TSNARE1: variants seen among roughly 807,000 people sequenced by gnomAD.
The protein encoded by TSNARE1 is t-SNARE domain-containing protein 1.
TSNARE1 carries 49 observed loss-of-function variants against 62.0 expected under a neutral mutation model. The observed-to-expected ratio is 0.79, with a 90% CI of 0.63 to 1.00. TSNARE1 has a LOEUF of 1.00. TSNARE1 is among the 50% of genes least tolerant of loss of function. The pLI, the probability that TSNARE1 is intolerant of heterozygous loss-of-function variation, is 0.00. For missense variants in TSNARE1, 755 were observed against 700.1 expected, an observed-to-expected ratio of 1.08 and a Z score of -0.88; for synonymous variants, 328 against 294.4, an observed-to-expected ratio of 1.11 and a Z score of -1.17.
intron 11 of TSNARE1, chr8:142,276,491 C>T: frequency 1.8e-5 from 18 of 985,480 alleles, no homozygotes; most frequent in Non-Finnish European, 2.2e-5. Context: ...AACAGCCTGG[C>T]CTCGCTTCTG....
intron 11 of TSNARE1, chr8:142,275,663 G>C (rs571638492): frequency 1.0e-6 from 1 of 985,456 alleles, no homozygotes; most frequent in Non-Finnish European, 1.2e-6. Flanking sequence ...TTCCCGGAGG[G>C]AGGTTCCTTG....
At chr8:142,387,056 T>C (rs1398254311) in intron 1 of TSNARE1, among the ~76,000 whole-genome samples, 2 of 152,118 alleles carry the variant, frequency 1.3e-5, no homozygotes, top group Non-Finnish European at 2.9e-5. Context: ...GACTCCAAAT[T>C]AGGAACATAA....
chr8:142,397,340 C>A (rs542143119), intron 1 of TSNARE1, among the ~76,000 whole-genome samples: 68 of 152,328 alleles, frequency 4.5e-4, no homozygotes, highest in Non-Finnish European at 8.5e-4. Flanking sequence ...GGAATTCTTC[C>A]CTACACCCCT....
chr8:142,248,211 A>G (rs747435349), intron 12 of TSNARE1, among the ~76,000 whole-genome samples: 4 of 151,900 alleles, frequency 2.6e-5, no homozygotes, highest in Non-Finnish European at 5.9e-5. Context: ...TGGACCTTGG[A>G]CTCCCAGCCT....
rs1829204592 is a variant in TSNARE1, at chr8:142,319,855, A to G, written c.894-1221T>C. ...GGGCCAAGGAGGGCAAGGAGCCATA[A>G]GGTTACTACAGACTAGGCGGGAAGC... On this transcript the variant is annotated intron_variant, in intron 6 of 13. Coordinates refer to ENST00000524325, the MANE Select transcript of TSNARE1 (RefSeq NM_145003.5). This position sits in a 1 kb window ranked among gnomAD's most constrained non-coding sequence, Gnocchi z 4.9. 6.6e-6 allele frequency among the ~76,000 whole-genome samples: 1 copy of G among 152,168 alleles called. No homozygotes were observed. The highest frequency in any genetic ancestry group is 2.4e-5 in the African/African-American group (1 of 41,444).
In TSNARE1 at chr8:142,229,585, A is replaced by AGG; in HGVS notation, c.1447-7_1447-6insCC. 6.4e-7 allele frequency: 1 copy of AGG among 1,564,340 alleles called. No individual in the cohort carries two copies. The highest frequency in any genetic ancestry group is 1.4e-5 in the African/African-American group (1 of 73,842). ...TTGATCTTGTGTCTCTGGAGCTGGG[A>AGG]GAGAGAGAGAGGTTGTTTCCATATC... On this transcript the variant is annotated splice_polypyrimidine_tract_variant and splice_region_variant and intron_variant, in intron 12 of 13. Coordinates refer to ENST00000524325, the MANE Select transcript of TSNARE1 (RefSeq NM_145003.5).
At chr8:142,217,752 G>T (rs1815954099) in intron 13 of TSNARE1, among the ~76,000 whole-genome samples, 1 of 151,900 alleles carries the variant, frequency 6.6e-6, no homozygotes, top group African/African-American at 2.4e-5. Flanking sequence ...GTCAGTGTGT[G>T]ACCAGGATCA....
At chr8:142,354,324 T>C (rs1433165521) in intron 2 of TSNARE1, among the ~76,000 whole-genome samples, 1 of 152,058 alleles carries the variant, frequency 6.6e-6, no homozygotes, top group Admixed American at 6.5e-5. Flanking sequence ...GGTGAGATCC[T>C]GCATCCCCTC....
intron 10 of TSNARE1, among the ~76,000 whole-genome samples, chr8:142,295,237 G>A (rs1278475169): frequency 6.6e-6 from 1 of 152,360 alleles, no homozygotes; most frequent in South Asian, 2.1e-4. Context: ...GAGATGGTGG[G>A]CAGCCCCAGG....
chr8:142,235,908 G>A (rs1340959856), intron 12 of TSNARE1, among the ~76,000 whole-genome samples: 7 of 152,206 alleles, frequency 4.6e-5, no homozygotes, highest in African/African-American at 1.2e-4. Flanking sequence ...GAGCATGGCG[G>A]GGCAGGAGGA....
At chr8:142,289,760 G>A (rs1024354054) in intron 10 of TSNARE1, among the ~76,000 whole-genome samples, 7 of 152,212 alleles carry the variant, frequency 4.6e-5, no homozygotes, top group African/African-American at 1.2e-4. Context: ...GGAGGCCGCC[G>A]GGACTTACTG....
At chr8:142,404,947 C>T (rs768068258), upstream of TSNARE1, 1 of 152,332 alleles carries the variant, frequency 6.6e-6, no homozygotes, top group Non-Finnish European at 1.5e-5. Flanking sequence ...CCAGGAGCCG[C>T]TTTCTTGACC....
chr8:142,255,905 CCAT>C (rs1469844819), intron 12 of TSNARE1, among the ~76,000 whole-genome samples: 26 of 9,006 alleles, frequency 2.9e-3, no homozygotes, highest in Non-Finnish European at 7.0e-3. Flanking sequence ...ACCACTGTCA[CCAT>C]CACCACCACC....
At chr8:142,381,116 G>A (rs1395670331) in intron 1 of TSNARE1, among the ~76,000 whole-genome samples, 1 of 152,240 alleles carries the variant, frequency 6.6e-6, no homozygotes, top group Non-Finnish European at 1.5e-5. Flanking sequence ...TGGCCCAACT[G>A]CTGGGCTCCA....
At chr8:142,376,049 G>A (rs940343683) in intron 1 of TSNARE1, among the ~76,000 whole-genome samples, 3 of 152,220 alleles carry the variant, frequency 2.0e-5, no homozygotes, top group Non-Finnish European at 4.4e-5. Context: ...CGGAAAACAT[G>A]GTCCCAGCAG....
intron 12 of TSNARE1, among the ~76,000 whole-genome samples, chr8:142,252,357 C>T (rs1162364435): frequency 6.6e-6 from 1 of 152,198 alleles, no homozygotes; most frequent in African/African-American, 2.4e-5. Context: ...CTGGCTGTGC[C>T]CCCCACTGGC....
intron 12 of TSNARE1, among the ~76,000 whole-genome samples, chr8:142,237,175 C>A (rs1291131600): frequency 1.3e-5 from 2 of 152,056 alleles, no homozygotes; most frequent in Non-Finnish European, 2.9e-5. Context: ...GACTCACCTG[C>A]CGCCTGCAGT....
chr8:142,383,708 C>T lies in TSNARE1; in HGVS notation c.-40+19396G>A, dbSNP rs1399168426. ...AGAGGCACTGGAACATTTCCTTTTT[C>T]AATGTTCACAACCCTAGGAGGTTAT... On this transcript the variant is annotated intron_variant, in intron 1 of 13. Transcript: ENST00000524325. 5.3e-5 allele frequency among the ~76,000 whole-genome samples: 8 copies of T among 152,272 alleles called. No individual in the cohort carries two copies. In the East Asian group the frequency reaches 1.4e-3, roughly 26 times the overall value.
chr8:142,363,160 T>C (rs1587019865), intron 1 of TSNARE1, among the ~76,000 whole-genome samples: 1 of 152,104 alleles, frequency 6.6e-6, no homozygotes, highest in African/African-American at 2.4e-5. Context: ...TGTGCACTGG[T>C]ATCTACTGGG....
Sources: gnomAD v4.1 joint callset for allele counts (sites outside exome capture counted in the v4.1 genomes callset) on GRCh38, gnomAD v4.1.1 for gene constraint, Gnocchi (gnomAD v3.1) non-coding constraint, MANE v1.5 for transcripts, NCBI Gene and HGNC (gene_info 2026-07-23, HGNC 2026-07-21) for gene names.